Variants in CLTCL1 observed in about 807,000 individuals in gnomAD.
The protein encoded by CLTCL1 is clathrin heavy chain 2.
Under a neutral mutation model 190.0 loss-of-function variants are expected in CLTCL1, and 159 were observed. The observed-to-expected ratio is 0.84, with a 90% confidence interval of 0.74 to 0.95. The LOEUF (loss-of-function observed/expected upper bound fraction) is 0.95. Among genes scored for constraint, CLTCL1 ranks in the 40% least tolerant of loss-of-function variants. The probability of loss-of-function intolerance (pLI) is 0.00; values close to 1 mark genes in which losing one functional copy is unlikely to be tolerated. For missense variants in CLTCL1, 1,878 were observed against 2,033.4 expected (o/e 0.92, Z 1.47); for synonymous variants, 752 against 769.6 (o/e 0.98, Z 0.38).
intron 19 of CLTCL1, among the ~76,000 whole-genome samples, chr22:19,215,294 T>C (rs1318010952): frequency 6.6e-6 from 1 of 152,212 alleles, no homozygotes; most frequent in Non-Finnish European, 1.5e-5. Flanking sequence ...TTCCTCTCTA[T>C]AATACTACAG....
At chr22:19,261,770 T>C (rs1341749688) in intron 2 of CLTCL1, among the ~76,000 whole-genome samples, 2 of 152,094 alleles carry the variant, frequency 1.3e-5, no homozygotes, top group Non-Finnish European at 2.9e-5. Flanking sequence ...AAGAAAGGGG[T>C]TTCTTCCAAT....
chr22:19,246,054 G>A (rs1206538), intron 3 of CLTCL1, among the ~76,000 whole-genome samples: 10,837 of 151,736 alleles, frequency 0.071, 473 homozygotes, highest in Middle Eastern at 0.17. Flanking sequence ...TGGTAATTCT[G>A]TGTTTAACTT....
Position 19,254,245 on chromosome 22 carries a change from A to G in CLTCL1, c.251-18T>C. 1 of 1,580,258 alleles carries G rather than the reference A, an allele frequency of 6.3e-7. No homozygotes were observed. Reference sequence around the variant, plus strand: ...CTTCCCAGCTAGTATTTGATATAATAGAGATTAGAGAAAGACAAATTAAAA... The same window carrying G: ...CTTCCCAGCTAGTATTTGATATAATGGAGATTAGAGAAAGACAAATTAAAA... On this transcript the variant is annotated intron_variant, in intron 2 of 32. Transcript: ENST00000427926.
intron 1 of CLTCL1, among the ~76,000 whole-genome samples, chr22:19,287,324 A>T (rs1340956349): frequency 6.6e-6 from 1 of 152,202 alleles, no homozygotes; most frequent in Non-Finnish European, 1.5e-5. Flanking sequence ...CTAACTGACA[A>T]ATCAGGGAGA....
At position 19,235,921 on chromosome 22, in the gene CLTCL1, C is replaced by T. The variant is rs113285386; in HGVS notation, c.796-52G>A. On this transcript the variant is annotated intron_variant, in intron 5 of 32. Coordinates refer to ENST00000427926, the MANE Select transcript of CLTCL1 (RefSeq NM_007098.4). ...TGGAAAGTAAGGAGGAGAAGCCATG[C>T]GGGTAAAAAGAGCTCACAAATGATA... 3.6e-4 allele frequency: 541 copies of T among 1,490,234 alleles called. 2 individuals carry two copies. The African/African-American group carries it at 6.6e-3, about 18-fold the overall frequency. The allele number at this position is 1,490,234 out of a possible 1,614,324, so 92.3% of individuals were successfully genotyped here. A position where few individuals can be genotyped will look rare whatever the true frequency, so the allele number is the denominator to read the frequency against.
chr22:19,219,962 C>A lies in CLTCL1; in HGVS notation c.2842G>T (p.Val948Leu). 2 of 1,614,044 alleles carry A rather than the reference C, an allele frequency of 1.2e-6. No individual in the cohort carries two copies. The highest frequency in any genetic ancestry group is 1.7e-6 in the Non-Finnish European group (2 of 1,179,908). The stretch of plus-strand genomic sequence containing the variant: ...CAGAGCTCCGGATCCTTTCTGCATA[C>A]CAGGTAGCGGGCCTCGCTTTTGAAC... Reference protein sequence around the residue: ...SLFKSEARYLVCRKDPELWAH... With the variant: ...SLFKSEARYLLCRKDPELWAH... The change falls in exon 18 of 33, where the codon GTA (valine) becomes TTA (leucine). Residue 948 changes from valine (V) to leucine (L), a missense_variant. Coordinates refer to ENST00000427926, the MANE Select transcript of CLTCL1 (RefSeq NM_007098.4).
intron 2 of CLTCL1, among the ~76,000 whole-genome samples, chr22:19,259,475 C>T (rs953525037): frequency 2.6e-5 from 4 of 152,062 alleles, no homozygotes; most frequent in African/African-American, 9.7e-5. Context: ...ATCATTTTTC[C>T]AACAGCATGT....
At chr22:19,287,119 A>C (rs555392398) in intron 1 of CLTCL1, among the ~76,000 whole-genome samples, 1 of 152,276 alleles carries the variant, frequency 6.6e-6, no homozygotes, top group East Asian at 1.9e-4. Flanking sequence ...CTGAATCAAG[A>C]TGTCTTAAGT....
intron 4 of CLTCL1, among the ~76,000 whole-genome samples, chr22:19,240,946 G>T (rs2086235031): frequency 1.3e-5 from 2 of 152,218 alleles, no homozygotes; most frequent in South Asian, 4.1e-4. Flanking sequence ...GGAGACAGCT[G>T]GCCAGTCCCA....
intron 22 of CLTCL1, among the ~76,000 whole-genome samples, chr22:19,203,890 C>T (rs2084972544): frequency 6.6e-6 from 1 of 152,204 alleles, no homozygotes; most frequent in East Asian, 1.9e-4. Flanking sequence ...CATGACTGCC[C>T]ACACCCCCAA....
chr22:19,205,924 CCATT>C (rs1477098071), intron 22 of CLTCL1, among the ~76,000 whole-genome samples: 1 of 123,434 alleles, frequency 8.1e-6, no homozygotes, highest in Non-Finnish European at 1.6e-5. Context: ...TAATTTCCAA[CCATT>C]GTTTTTTTTT....
intron 1 of CLTCL1, among the ~76,000 whole-genome samples, chr22:19,281,908 C>T (rs1459587986): frequency 6.6e-6 from 1 of 151,922 alleles, no homozygotes; most frequent in Non-Finnish European, 1.5e-5. Flanking sequence ...GGTAAAAGTC[C>T]CTCACAAATA....
At position 19,232,561 on chromosome 22, in the gene CLTCL1, C is replaced by A; in HGVS notation, c.1559G>T (p.Gly520Val). The A allele has an allele frequency of 1.2e-6, 2 of 1,613,826 alleles. No individual in the cohort carries two copies. Among genetic ancestry groups the A allele is most frequent in the Non-Finnish European group, 1.7e-6 (2 of 1,179,826 alleles). Residue 520 changes from glycine to valine, a missense_variant, in exon 10 of 33, where the codon GGT (glycine) becomes GTT (valine). Gly to Val is a moderately radical substitution (Grantham distance 109). Coordinates refer to ENST00000427926, the MANE Select transcript of CLTCL1 (RefSeq NM_007098.4). Reference protein sequence around the residue: ...YTPDWIFLLRGVMKISPEQGL... With the variant: ...YTPDWIFLLRVVMKISPEQGL... ...CTGTTCCGGACTGATCTTCATTACA[C>A]CCCTCAGCAGAAAGATCCAGTCTGG... is the stretch of plus-strand genomic sequence containing the variant.
At chr22:19,261,794 A>G (rs571583634) in intron 2 of CLTCL1, among the ~76,000 whole-genome samples, 9 of 152,208 alleles carry the variant, frequency 5.9e-5, no homozygotes, top group African/African-American at 2.2e-4. Context: ...ATCTACTCCC[A>G]GTGAAGATGC....
At chr22:19,249,365 T>TA (rs1555969081) in intron 3 of CLTCL1, among the ~76,000 whole-genome samples, 3 of 149,032 alleles carry the variant, frequency 2.0e-5, no homozygotes, top group Non-Finnish European at 4.5e-5. Flanking sequence ...TCTCAAAAAA[T>TA]AAAAAAAATT....
intron 2 of CLTCL1, chr22:19,257,798 C>T (rs530222723): frequency 2.1e-6 from 3 of 1,428,754 alleles, no homozygotes; most frequent in South Asian, 1.1e-5. Flanking sequence ...ACCACCTGGC[C>T]TCCTACCTGG....
intron 11 of CLTCL1, among the ~76,000 whole-genome samples, chr22:19,227,403 C>T (rs1396651864): frequency 6.6e-6 from 1 of 151,318 alleles, no homozygotes; most frequent in Non-Finnish European, 1.5e-5. Flanking sequence ...CCACTTCAGC[C>T]TCCCAAGCAG....
At position 19,199,480 on chromosome 22, in the gene CLTCL1, A is replaced by C. The variant is rs782446855; in HGVS notation, c.3873+254T>G. ...CACTGACTGGGCTTCTGAAGGCCCA[A>C]TAACACAAGAGGATGGAGAGAACTT... is the stretch of plus-strand genomic sequence containing the variant. On this transcript the variant is annotated intron_variant, in intron 24 of 32. Coordinates refer to ENST00000427926, the MANE Select transcript of CLTCL1 (RefSeq NM_007098.4). Among the ~76,000 whole-genome samples the C allele has an allele frequency of 4.9e-4, 74 of 152,250 alleles. 1 individual carries two copies. Among genetic ancestry groups the C allele is most frequent in the Non-Finnish European group, 2.1e-4 (14 of 68,046 alleles).
intron 29 of CLTCL1, among the ~76,000 whole-genome samples, chr22:19,185,914 G>A (rs1309785458): frequency 6.6e-6 from 1 of 152,188 alleles, no homozygotes; most frequent in African/African-American, 2.4e-5. Flanking sequence ...CTCCAGGTGC[G>A]GTCTCAGAGC....
Sources: gnomAD v4.1 joint callset for allele counts (sites outside exome capture counted in the v4.1 genomes callset) on GRCh38, gnomAD v4.1.1 for gene constraint, MANE v1.5 for transcripts, NCBI Gene and HGNC (gene_info 2026-07-23, HGNC 2026-07-21) for gene names.